Variants in PTPRN2 observed in about 807,000 individuals in gnomAD.
PTPRN2 encodes the protein receptor-type tyrosine-protein phosphatase N2.
A neutral mutation model predicts 118.8 loss-of-function variants in PTPRN2; 74 were observed. That is an observed-to-expected ratio of 0.62 (90% CI 0.52 to 0.76). PTPRN2 has a LOEUF of 0.76. Ranked by LOEUF, PTPRN2 falls within the 30% of genes least tolerant of loss-of-function variation. The probability of loss-of-function intolerance (pLI) is 0.00; values close to 1 mark genes in which losing one functional copy is unlikely to be tolerated. For missense variants in PTPRN2, 1,481 were observed against 1,394.4 expected (o/e 1.06, Z -0.99); for synonymous variants, 641 against 608.0 (o/e 1.05, Z -0.80).
chr7:158,450,859 A>C (rs1818052402), intron 2 of PTPRN2, among the ~76,000 whole-genome samples: 1 of 152,184 alleles, frequency 6.6e-6, no homozygotes, highest in East Asian at 1.9e-4. Context: ...TGCTGCGTGG[A>C]GGGCAAGGAG....
intron 12 of PTPRN2, among the ~76,000 whole-genome samples, chr7:157,872,943 G>T (rs1251537853): frequency 2.6e-5 from 4 of 152,224 alleles, no homozygotes; most frequent in African/African-American, 7.2e-5. Flanking sequence ...CATTTCCCAG[G>T]TGGTGCTTGT....
At chr7:158,334,101 A>G (rs1300817678) in intron 2 of PTPRN2, among the ~76,000 whole-genome samples, 2 of 81,002 alleles carry the variant, frequency 2.5e-5, no homozygotes, top group South Asian at 6.3e-4. Context: ...AAGAGGTGAC[A>G]CCTGCAGACG....
At position 157,675,268 on chromosome 7, in the gene PTPRN2, T is replaced by G. The variant is rs1585219578; in HGVS notation, c.2001+7457A>C. On this transcript the variant is annotated intron_variant, in intron 13 of 22. Transcript: ENST00000389418. ...TGGGCCCACCTGACCAGGGCTTCCC[T>G]CCTGCCGAGCCCTCACCTCGATGTG... 2.6e-5 allele frequency among the ~76,000 whole-genome samples: 4 copies of G among 152,124 alleles called. No homozygotes were observed. In the South Asian group the frequency reaches 8.3e-4, roughly 32 times the overall value.
At chr7:157,659,229 A>G (rs1159497509) in intron 13 of PTPRN2, among the ~76,000 whole-genome samples, 1 of 146,656 alleles carries the variant, frequency 6.8e-6, no homozygotes, top group African/African-American at 2.5e-5. Context: ...CCCACTCTCC[A>G]GGAGCCTGCA....
chr7:158,312,788 C>A (rs1289234142), intron 3 of PTPRN2, among the ~76,000 whole-genome samples: 5 of 151,564 alleles, frequency 3.3e-5, no homozygotes, highest in Non-Finnish European at 7.4e-5. Context: ...CACGCACACA[C>A]ACCTGCACAC....
intron 14 of PTPRN2, among the ~76,000 whole-genome samples, chr7:157,639,667 T>A (rs1804554972): frequency 6.6e-6 from 1 of 152,154 alleles, no homozygotes; most frequent in South Asian, 2.1e-4. Flanking sequence ...ATTCCCTACA[T>A]CTAAAATCAG....
At chr7:158,534,839 G>A (rs73729682) in intron 1 of PTPRN2, among the ~76,000 whole-genome samples, 2,399 of 148,742 alleles carry the variant, frequency 0.016, 73 homozygotes, top group African/African-American at 0.056. Flanking sequence ...CAGAGACGAC[G>A]CCTGCACGTT....
At chr7:158,244,727 AGTGTGT>A (rs10580741) in intron 3 of PTPRN2, among the ~76,000 whole-genome samples, 2 of 151,036 alleles carry the variant, frequency 1.3e-5, no homozygotes, top group East Asian at 3.9e-4. Flanking sequence ...TTAGAGTGAA[AGTGTGT>A]GTGTGTGTGA....
chr7:157,784,440 G>A lies in PTPRN2; in HGVS notation c.1789-101503C>T, dbSNP rs1035059270. Among the ~76,000 whole-genome samples the A allele has an allele frequency of 3.9e-5, 6 of 152,164 alleles. 1 individual carries two copies. The highest frequency in any genetic ancestry group is 8.8e-5 in the Non-Finnish European group (6 of 68,038). On this transcript the variant is annotated intron_variant, in intron 12 of 22. Coordinates refer to ENST00000389418, the MANE Select transcript of PTPRN2 (RefSeq NM_002847.5). This position sits in a 1 kb window ranked among gnomAD's most constrained non-coding sequence, Gnocchi z 4.6. ...CTGCAGCAGCGCCCACAAGGCTCAG[G>A]GCTGGGTCCAGCCTCACCTGCAAAA...
At chr7:158,156,771 A>T (rs529237333) in intron 6 of PTPRN2, among the ~76,000 whole-genome samples, 2 of 152,400 alleles carry the variant, frequency 1.3e-5, no homozygotes, top group East Asian at 3.9e-4. Flanking sequence ...GAGCGGAAGC[A>T]TCACCATGTA....
chr7:158,567,133 T>C (rs1827716033), intron 1 of PTPRN2, among the ~76,000 whole-genome samples: 1 of 152,264 alleles, frequency 6.6e-6, no homozygotes, highest in East Asian at 1.9e-4. Context: ...CTCCCTGTGC[T>C]TCTAATTTAA....
In PTPRN2 at chr7:157,591,231, C is replaced by T. The variant is rs1008218489; in HGVS notation, c.2496+4007G>A. On this transcript the variant is annotated intron_variant, in intron 17 of 22. Coordinates refer to ENST00000389418, the MANE Select transcript of PTPRN2 (RefSeq NM_002847.5). This position sits in a 1 kb window ranked among gnomAD's most constrained non-coding sequence, Gnocchi z 4.4. ...CCTGGGGCAGACACGGCCATCTTTC[C>T]CATCACGGCCTTTCTCACGCTCACA... Among the ~76,000 whole-genome samples the T allele has an allele frequency of 6.6e-6, 1 of 152,188 alleles. No individual in the cohort carries two copies. Among genetic ancestry groups the T allele is most frequent in the Non-Finnish European group, 1.5e-5 (1 of 68,032 alleles).
chr7:157,686,663 T>A, intron 12 of PTPRN2, among the ~76,000 whole-genome samples: 1 of 152,294 alleles, frequency 6.6e-6, no homozygotes, highest in Non-Finnish European at 1.5e-5. Context: ...TATGTTTAAA[T>A]ATTTATGACT....
In PTPRN2 at chr7:158,272,736, A is replaced by G. The variant is rs192401484; in HGVS notation, c.277+44083T>C. Among the ~76,000 whole-genome samples, 73 of 152,318 alleles carry G rather than the reference A, an allele frequency of 4.8e-4. 1 individual carries two copies. In the East Asian group the frequency reaches 0.014, roughly 29 times the overall value. On this transcript the variant is annotated intron_variant, in intron 3 of 22. Coordinates refer to ENST00000389418, the MANE Select transcript of PTPRN2 (RefSeq NM_002847.5). ...CAGGATGGAGACAGTCGCATCTGCC[A>G]GATCCCTTTCACCAGACTGCAGAGT...
chr7:158,285,736 G>A (rs115158180), intron 3 of PTPRN2, among the ~76,000 whole-genome samples: 338 of 152,232 alleles, frequency 2.2e-3, no homozygotes, highest in African/African-American at 7.3e-3. Context: ...AGCGTAGAGC[G>A]CGGGCTGTCT....
chr7:158,327,463 G>A (rs184459347), intron 2 of PTPRN2, among the ~76,000 whole-genome samples: 38 of 134,240 alleles, frequency 2.8e-4, no homozygotes, highest in African/African-American at 8.6e-4. Context: ...GCTCACACAT[G>A]TACACGTTCT....
intron 13 of PTPRN2, among the ~76,000 whole-genome samples, chr7:157,670,163 G>C (rs1282030786): frequency 6.6e-6 from 1 of 152,114 alleles, no homozygotes; most frequent in African/African-American, 2.4e-5. Context: ...GGGGAGGTGA[G>C]GGCTGTGTTT....
At chr7:157,922,620 G>A (rs571854732) in intron 11 of PTPRN2, among the ~76,000 whole-genome samples, 29 of 152,274 alleles carry the variant, frequency 1.9e-4, no homozygotes, top group Admixed American at 7.8e-4. Flanking sequence ...GTTCCCATGG[G>A]TTTCTCAATA....
intron 11 of PTPRN2, among the ~76,000 whole-genome samples, chr7:157,949,577 T>C (rs1285178034): frequency 1.3e-5 from 2 of 152,256 alleles, no homozygotes; most frequent in Non-Finnish European, 2.9e-5. Context: ...GTCAATGCCA[T>C]GCTTGCTGCA....
Sources: gnomAD v4.1 joint callset for allele counts (sites outside exome capture counted in the v4.1 genomes callset) on GRCh38, gnomAD v4.1.1 for gene constraint, Gnocchi (gnomAD v3.1) non-coding constraint, MANE v1.5 for transcripts, NCBI Gene and HGNC (gene_info 2026-07-23, HGNC 2026-07-21) for gene names.